Variants in FGGY observed in about 807,000 individuals in gnomAD.
FGGY encodes FGGY carbohydrate kinase domain containing.
Under a neutral mutation model 71.3 loss-of-function variants are expected in FGGY, and 72 were observed. The observed-to-expected ratio is 1.01, with a 90% CI of 0.84 to 1.23. The LOEUF (loss-of-function observed/expected upper bound fraction) is 1.23, where lower values mean the gene tolerates loss of function less well. Ranked by LOEUF, FGGY falls within the 50% of genes most tolerant of loss-of-function variation. The pLI is 0.00. For synonymous variants in FGGY, 251 were observed against 250.3 expected, an observed-to-expected ratio of 1.00 and a Z score of -0.02; for missense variants, 668 against 682.3, an observed-to-expected ratio of 0.98 and a Z score of 0.23.
At chr1:59,626,962 G>GT (rs1452705511) in intron 10 of FGGY, 1 of 152,148 alleles carries the variant, frequency 6.6e-6, no homozygotes, top group Admixed American at 6.5e-5. Context: ...TGGGACCATG[G>GT]TAGTAGGAAG....
intron 6 of FGGY, among the ~76,000 whole-genome samples, chr1:59,501,227 G>A (rs2094213076): frequency 6.6e-6 from 1 of 152,084 alleles, no homozygotes; most frequent in Non-Finnish European, 1.5e-5. Flanking sequence ...GGTCATAAAA[G>A]GAAGTGTATT....
chr1:59,492,529 G>GC (rs1249537425), intron 6 of FGGY, among the ~76,000 whole-genome samples: 30 of 152,094 alleles, frequency 2.0e-4, no homozygotes, highest in Admixed American at 6.6e-5. Context: ...CAGAAATAAA[G>GC]CCTGGCTGCT....
chr1:59,727,487 G>A (rs959721123), intron 14 of FGGY, among the ~76,000 whole-genome samples: 1 of 152,064 alleles, frequency 6.6e-6, no homozygotes, highest in Non-Finnish European at 1.5e-5. Context: ...AATTACCTAG[G>A]AATATACTAA....
intron 9 of FGGY, among the ~76,000 whole-genome samples, chr1:59,618,275 C>T (rs910847095): frequency 6.6e-6 from 1 of 152,068 alleles, no homozygotes; most frequent in African/African-American, 2.4e-5. Flanking sequence ...TTTTTAGGCC[C>T]ATTAGGATTT....
chr1:59,443,769 A>G (rs2070549862), intron 5 of FGGY, among the ~76,000 whole-genome samples: 1 of 152,242 alleles, frequency 6.6e-6, no homozygotes, highest in African/African-American at 2.4e-5. Flanking sequence ...AGACTGAGAT[A>G]GGTATGTATG....
rs2407598 is a variant in FGGY at position 59,465,117 on chromosome 1, C to T, written c.670+8041C>T. ...ACATCGATGCAGAAATCCTCAATAACGTACTGGCAAACCGAATCCAGCAGC... is the reference window on the plus strand; with the variant it reads ...ACATCGATGCAGAAATCCTCAATAATGTACTGGCAAACCGAATCCAGCAGC... On this transcript the variant is annotated intron_variant, in intron 6 of 15. Transcript: ENST00000303721. Among the ~76,000 whole-genome samples the T allele has an allele frequency of 2.6e-5, 4 of 151,970 alleles. No individual in the cohort carries two copies. The East Asian group carries it at 7.7e-4, about 29-fold the overall frequency.
chr1:59,639,411 T>C (rs2096995697), intron 11 of FGGY, among the ~76,000 whole-genome samples: 1 of 152,206 alleles, frequency 6.6e-6, no homozygotes, highest in Admixed American at 6.5e-5. Flanking sequence ...AAATTAGACA[T>C]GACAAAGGTT....
intron 14 of FGGY, among the ~76,000 whole-genome samples, chr1:59,735,438 C>T (rs1435441171): frequency 2.6e-5 from 4 of 152,186 alleles, no homozygotes; most frequent in African/African-American, 9.7e-5. Flanking sequence ...ATATTGTGGT[C>T]TTCTCTGAGT....
At chr1:59,635,934 T>A (rs2096954491) in intron 10 of FGGY, among the ~76,000 whole-genome samples, 1 of 152,236 alleles carries the variant, frequency 6.6e-6, no homozygotes, top group Non-Finnish European at 1.5e-5. Flanking sequence ...GACTCAGACC[T>A]GTCTCTTCAC....
intron 14 of FGGY, among the ~76,000 whole-genome samples, chr1:59,704,261 C>T (rs891357420): frequency 6.6e-6 from 1 of 152,064 alleles, no homozygotes; most frequent in African/African-American, 2.4e-5. Flanking sequence ...GGGAGAACAG[C>T]AGATAACCCC....
At chr1:59,737,011 G>C (rs938989502) in intron 14 of FGGY, among the ~76,000 whole-genome samples, 3 of 152,212 alleles carry the variant, frequency 2.0e-5, no homozygotes, top group African/African-American at 7.2e-5. Flanking sequence ...AATCCCAGCT[G>C]CTCCAGCCAT....
At chr1:59,736,357 G>C (rs529109701) in intron 14 of FGGY, among the ~76,000 whole-genome samples, 1 of 152,316 alleles carries the variant, frequency 6.6e-6, no homozygotes, top group African/African-American at 2.4e-5. Flanking sequence ...TTGGAACTTG[G>C]TAACAGGCAG....
chr1:59,607,199 G>T (rs2096631992), intron 8 of FGGY, among the ~76,000 whole-genome samples: 2 of 152,314 alleles, frequency 1.3e-5, no homozygotes, highest in Admixed American at 1.3e-4. Flanking sequence ...TGTTACCTGG[G>T]TTCTTTCATA....
chr1:59,483,303 A>G (rs935197376), intron 6 of FGGY, among the ~76,000 whole-genome samples: 19 of 152,208 alleles, frequency 1.2e-4, no homozygotes, highest in African/African-American at 4.3e-4. Flanking sequence ...CTCATTTGCC[A>G]GACTAATATT....
At chr1:59,722,783 G>C (rs1361337771) in intron 14 of FGGY, among the ~76,000 whole-genome samples, 1 of 152,084 alleles carries the variant, frequency 6.6e-6, no homozygotes, top group Non-Finnish European at 1.5e-5. Flanking sequence ...CAAAGAGTCT[G>C]ATTCTTTTTT....
At chr1:59,396,192 C>T (rs960026006) in intron 5 of FGGY, among the ~76,000 whole-genome samples, 7 of 152,174 alleles carry the variant, frequency 4.6e-5, no homozygotes, top group Non-Finnish European at 1.0e-4. Flanking sequence ...CTGGCCAAGA[C>T]TCAGCCATTT....
At chr1:59,361,999 A>G (rs1031891049) in intron 4 of FGGY, among the ~76,000 whole-genome samples, 1 of 152,210 alleles carries the variant, frequency 6.6e-6, no homozygotes, top group Non-Finnish European at 1.5e-5. Flanking sequence ...TCCACAGGAA[A>G]GACAGTGTGC....
chr1:59,701,829 T>C (rs1309863063), intron 14 of FGGY, among the ~76,000 whole-genome samples: 2 of 152,154 alleles, frequency 1.3e-5, no homozygotes, highest in Non-Finnish European at 2.9e-5. Flanking sequence ...AACTCAACTG[T>C]GTACTGGATG....
intron 9 of FGGY, among the ~76,000 whole-genome samples, chr1:59,624,880 A>C (rs557821280): frequency 6.6e-6 from 1 of 152,246 alleles, no homozygotes; most frequent in African/African-American, 2.4e-5. Flanking sequence ...AACCATATCA[A>C]GCAGACACAC....
Sources: gnomAD v4.1 joint callset for allele counts (sites outside exome capture counted in the v4.1 genomes callset) on GRCh38, gnomAD v4.1.1 for gene constraint, MANE v1.5 for transcripts, NCBI Gene and HGNC (gene_info 2026-07-23, HGNC 2026-07-21) for gene names.